The following PAK3 variants were observed in gnomAD, a reference collection of about 807,000 sequenced individuals.
PAK3 encodes the protein serine/threonine-protein kinase PAK 3.
In PAK3, 4 loss-of-function variants were observed where a neutral mutation model predicts 41.0. The ratio of observed to expected loss-of-function variants is 0.10; its 90% CI spans 0.05 to 0.22. The LOEUF (loss-of-function observed/expected upper bound fraction) is 0.22, where lower values mean the gene tolerates loss of function less well. Ranked by LOEUF, PAK3 falls within the 10% of genes least tolerant of loss-of-function variation. The probability of loss-of-function intolerance (pLI) is 1.00; values close to 1 mark genes in which losing one functional copy is unlikely to be tolerated. For synonymous variants in PAK3, 146 were observed against 139.6 expected (o/e 1.05, Z -0.32); for missense variants, 205 against 409.9 (o/e 0.50, Z 4.32).
chrX:111,220,945 C>CAAAAAAAAAAAAAAAAAAAAAAAAAAAA lies in PAK3; in HGVS notation c.*515_*516insAAAAAAAAAAAAAAAAAAAAAAAAAAAA. On this transcript the variant is annotated 3_prime_UTR_variant, in exon 18 of 18. Coordinates refer to ENST00000372007, the MANE Select transcript of PAK3 (RefSeq NM_002578.5). ...AAAAAAGAAAGCAAAAAAAGCAAGG[C>CAAAAAAAAAAAAAAAAAAAAAAAAAAAA]AAAAAAAAAAAAAAAAACAAACAAA... 3.8e-4 allele frequency: 19 copies of CAAAAAAAAAAAAAAAAAAAAAAAAAAAA among 49,410 alleles called. No individual in the cohort carries two copies. Among genetic ancestry groups the CAAAAAAAAAAAAAAAAAAAAAAAAAAAA allele is most frequent in the South Asian group, 1.4e-3 (1 of 726 alleles). The allele number at this position is 49,410 out of a possible 1,213,427, so 4.1% of individuals were successfully genotyped here. A position where few individuals can be genotyped will look rare whatever the true frequency, so the allele number is the denominator to read the frequency against.
intron 11 of PAK3, among the ~76,000 whole-genome samples, chrX:111,181,773 A>G (rs1268060532): frequency 2.8e-5 from 3 of 106,803 alleles, no homozygotes; most frequent in Non-Finnish European, 5.8e-5. Flanking sequence ...AACTATGGGC[A>G]AGAGTGGTGT....
chrX:111,051,845 C>T (rs2092561941), intron 1 of PAK3, among the ~76,000 whole-genome samples: 1 of 112,384 alleles, frequency 8.9e-6, no homozygotes, highest in Admixed American at 9.4e-5. Context: ...GAATACTAGA[C>T]AGGAAGATAC....
intron 3 of PAK3, among the ~76,000 whole-genome samples, 189 bp downstream of exon 3, chrX:111,097,873 C>A (rs980913267): frequency 6.3e-5 from 7 of 110,941 alleles, no homozygotes; most frequent in African/African-American, 2.3e-4. Context: ...AGTGTCATAT[C>A]CCCCAGCCCA....
chrX:111,108,716 G>A (rs1193404096), intron 4 of PAK3, among the ~76,000 whole-genome samples: 2 of 112,271 alleles, frequency 1.8e-5, no homozygotes, highest in African/African-American at 6.5e-5. Flanking sequence ...AAAAAAGGTT[G>A]AGGACTGCTG....
intron 16 of PAK3, among the ~76,000 whole-genome samples, chrX:111,207,122 A>G (rs1379628670): frequency 4.6e-5 from 5 of 108,370 alleles, no homozygotes; most frequent in African/African-American, 1.7e-4. Context: ...ATATATACAT[A>G]TACATATATG....
chrX:111,092,649 G>T (rs187240084), upstream of PAK3, among the ~76,000 whole-genome samples: 14 of 111,574 alleles, frequency 1.3e-4, 1 homozygote, highest in East Asian at 3.6e-3. Flanking sequence ...TTTCACAGGT[G>T]TATACTTATT....
intron 1 of PAK3, among the ~76,000 whole-genome samples, chrX:111,006,812 C>CTTTCTTTCTTTCTTT (rs1364974644): frequency 5.5e-5 from 3 of 54,994 alleles, no homozygotes; most frequent in African/African-American, 1.6e-4. Flanking sequence ...TCTGCATTTC[C>CTTTCTTTCTTTCTTT]CTTTCTTTCT....
intron 1 of PAK3, among the ~76,000 whole-genome samples, chrX:111,062,996 T>TA (rs201349461): frequency 0.029 from 3,205 of 109,332 alleles, 123 homozygotes; most frequent in African/African-American, 0.1. Flanking sequence ...TACTGCTACC[T>TA]AAAAAAAAAC....
At chrX:110,982,324 T>G (rs2091462582) in intron 1 of PAK3, among the ~76,000 whole-genome samples, 1 of 112,165 alleles carries the variant, frequency 8.9e-6, no homozygotes, top group Non-Finnish European at 1.9e-5. Flanking sequence ...AATCCTGGCT[T>G]TGCTCATGCC....
At chrX:111,034,555 A>G (rs1395030893) in intron 1 of PAK3, among the ~76,000 whole-genome samples, 1 of 111,679 alleles carries the variant, frequency 9.0e-6, no homozygotes, top group Non-Finnish European at 1.9e-5. Flanking sequence ...CCGAACCAGT[A>G]TATTACAAAG....
intron 9 of PAK3, 54 bp from the exon 10 acceptor site, chrX:111,163,492 TACAATACATTGACTCC>T (rs762536071): frequency 1.3e-6 from 1 of 763,840 alleles, no homozygotes; most frequent in African/African-American, 2.1e-5. Context: ...TCATTGATAT[TACAATACATTGACTCC>T]ACACTCTTTC....
At chrX:111,201,550 G>C (rs1412707099) in intron 16 of PAK3, among the ~76,000 whole-genome samples, 1 of 111,487 alleles carries the variant, frequency 9.0e-6, no homozygotes. Flanking sequence ...GAGGTAGAAG[G>C]AAGGAAGTGA....
At chrX:110,950,543 A>G (rs191742089) in intron 1 of PAK3, among the ~76,000 whole-genome samples, 1 of 111,645 alleles carries the variant, frequency 9.0e-6, no homozygotes, top group South Asian at 3.9e-4. Flanking sequence ...CCCCGCATGC[A>G]TTAGGGATTT....
At chrX:111,214,641 C>A (rs1174541409) in intron 16 of PAK3, among the ~76,000 whole-genome samples, 1 of 111,176 alleles carries the variant, frequency 9.0e-6, no homozygotes, top group African/African-American at 3.3e-5. Context: ...TTTTAACAAA[C>A]CCTCTGGATG....
intron 4 of PAK3, among the ~76,000 whole-genome samples, chrX:111,113,059 T>C (rs780202802): frequency 5.2e-4 from 58 of 111,818 alleles, no homozygotes; most frequent in Non-Finnish European, 9.8e-4. Context: ...TCTAGCATGC[T>C]TGAAGTATTC....
intron 4 of PAK3, among the ~76,000 whole-genome samples, chrX:111,121,590 CT>C (rs1463300144): frequency 8.9e-6 from 1 of 111,851 alleles, no homozygotes; most frequent in Non-Finnish European, 1.9e-5. Flanking sequence ...GAGTAGACCC[CT>C]GTTTTTGTTT....
At chrX:111,211,627 G>A (rs1477820890) in intron 16 of PAK3, among the ~76,000 whole-genome samples, 1 of 101,719 alleles carries the variant, frequency 9.8e-6, no homozygotes, top group East Asian at 3.0e-4. Context: ...AGTGAGCCAT[G>A]ATCGCACCAC....
chrX:111,220,945 C>CAAAAAAAAAAAAAAAAA lies in PAK3; in HGVS notation c.*499_*515dup. 5 of 49,413 alleles carry CAAAAAAAAAAAAAAAAA rather than the reference C, an allele frequency of 1.0e-4. No individual in the cohort carries two copies. The highest frequency in any genetic ancestry group is 4.3e-4 in the African/African-American group (5 of 11,734). The allele number at this position is 49,413 out of a possible 1,213,427, so 4.1% of individuals were successfully genotyped here. Reference sequence around the variant, plus strand: ...AAAAAAGAAAGCAAAAAAAGCAAGGCAAAAAAAAAAAAAAAAACAAACAAA... The same window carrying CAAAAAAAAAAAAAAAAA: ...AAAAAAGAAAGCAAAAAAAGCAAGGCAAAAAAAAAAAAAAAAAAAAAAAAAAAAAAAAAACAAACAAA... On this transcript the variant is annotated 3_prime_UTR_variant, in exon 18 of 18. Coordinates refer to ENST00000372007, the MANE Select transcript of PAK3 (RefSeq NM_002578.5).
At chrX:110,949,371 A>G (rs1438061761) in intron 1 of PAK3, among the ~76,000 whole-genome samples, 1 of 111,796 alleles carries the variant, frequency 8.9e-6, no homozygotes, top group Non-Finnish European at 1.9e-5. Flanking sequence ...CCTGAGATTC[A>G]TGGTGGATGA....
Sources: gnomAD v4.1 joint callset for allele counts (sites outside exome capture counted in the v4.1 genomes callset) on GRCh38, gnomAD v4.1.1 for gene constraint, MANE v1.5 for transcripts, NCBI Gene and HGNC (gene_info 2026-07-23, HGNC 2026-07-21) for gene names.